Variants in SLF2 observed in about 807,000 individuals in gnomAD.
SLF2 encodes SMC5-SMC6 complex localization factor protein 2.
SLF2 carries 68 observed loss-of-function variants against 124.3 expected under a neutral mutation model. The ratio of observed to expected loss-of-function variants is 0.55; its 90% CI spans 0.45 to 0.67. The LOEUF (loss-of-function observed/expected upper bound fraction) is 0.67, where lower values mean the gene tolerates loss of function less well. Among genes scored for constraint, SLF2 ranks in the 30% least tolerant of loss-of-function variants. The pLI is 0.00. For missense variants in SLF2, 1,246 were observed against 1,373.7 expected (o/e 0.91, Z 1.47); for synonymous variants, 480 against 478.8 (o/e 1.00, Z -0.03).
chr10:100,953,715 C>G (rs1337612456), intron 17 of SLF2, among the ~76,000 whole-genome samples: 1 of 151,978 alleles, frequency 6.6e-6, no homozygotes, highest in Admixed American at 6.5e-5. Flanking sequence ...TGCAGTGGCA[C>G]GATCTCAGCT....
intron 17 of SLF2, among the ~76,000 whole-genome samples, chr10:100,954,684 C>G (rs1850291846): frequency 6.6e-6 from 1 of 152,114 alleles, no homozygotes; most frequent in Admixed American, 6.6e-5. Context: ...TGGCTCATGC[C>G]TGTAATCCAA....
chr10:100,913,405 G>A (rs1037685910), intron 1 of SLF2, 155 bp downstream of exon 1: 6 of 1,354,588 alleles, frequency 4.4e-6, no homozygotes, highest in Non-Finnish European at 5.7e-6. Flanking sequence ...CCTCCGCGCA[G>A]GGGCTACTGG....
chr10:100,927,851 T>C (rs754319022), intron 6 of SLF2, among the ~76,000 whole-genome samples: 3 of 152,206 alleles, frequency 2.0e-5, no homozygotes, highest in Non-Finnish European at 4.4e-5. Flanking sequence ...CTAATGATGT[T>C]AACATATTTT....
intron 1 of SLF2, chr10:100,913,730 C>A (rs1849366498): frequency 2.0e-6 from 2 of 989,314 alleles, no homozygotes; most frequent in Non-Finnish European, 2.4e-6. Context: ...CTTAAAAGAA[C>A]TTGCAGATTT....
chr10:100,957,289 G>T (rs923598090), intron 18 of SLF2, among the ~76,000 whole-genome samples: 2 of 136,524 alleles, frequency 1.5e-5, no homozygotes, highest in Non-Finnish European at 3.1e-5. Context: ...GTTATTCTTT[G>T]AATGTTTCAT....
chr10:100,923,842 C>T, intron 4 of SLF2, 133 bp from the exon 5 acceptor site: 2 of 616,290 alleles, frequency 3.2e-6, no homozygotes, highest in Non-Finnish European at 4.9e-6. Flanking sequence ...TTCTGCATTC[C>T]ATATATGGTG....
At chr10:100,918,052 C>T (rs1240817281) in intron 3 of SLF2, among the ~76,000 whole-genome samples, 2 of 152,192 alleles carry the variant, frequency 1.3e-5, no homozygotes, top group Non-Finnish European at 2.9e-5. Context: ...CACCATTGCA[C>T]TCCAGCCTGG....
intron 15 of SLF2, among the ~76,000 whole-genome samples, chr10:100,948,942 A>C (rs1471581882): frequency 6.6e-6 from 1 of 152,202 alleles, no homozygotes; most frequent in African/African-American, 2.4e-5. Context: ...TTTGAATTGC[A>C]ATTTGGTACA....
rs34345512 is a variant in SLF2 at position 100,962,841 on chromosome 10, A to ATGTGTGTGTGTGTG, written c.*944_*957dup. 6.9e-6 allele frequency: 1 copy of ATGTGTGTGTGTGTG among 144,116 alleles called. No homozygotes were observed. Among genetic ancestry groups the ATGTGTGTGTGTGTG allele is most frequent in the East Asian group, 2.1e-4 (1 of 4,876 alleles). The allele number at this position is 144,116 out of a possible 1,614,324, so 8.9% of individuals were successfully genotyped here. A position where few individuals can be genotyped will look rare whatever the true frequency, so the allele number is the denominator to read the frequency against. On this transcript the variant is annotated 3_prime_UTR_variant, in exon 20 of 20. Transcript: ENST00000238961. ...ATTCTTTGGGACACTGTGTCTGTGT[A>ATGTGTGTGTGTGTG]TGTGTGTGTGTGTGTGTGTGTGTGT...
chr10:100,941,763 A>G (rs373312553), intron 11 of SLF2, among the ~76,000 whole-genome samples: 1 of 152,314 alleles, frequency 6.6e-6, no homozygotes, highest in Non-Finnish European at 1.5e-5. Flanking sequence ...AGGGCTTCAC[A>G]TAGTACCTCA....
intron 9 of SLF2, among the ~76,000 whole-genome samples, chr10:100,935,378 G>A (rs1849825334): frequency 6.6e-6 from 1 of 151,582 alleles, no homozygotes; most frequent in South Asian, 2.1e-4. Flanking sequence ...CTGGGTGACA[G>A]TGCGAGATTC....
rs1182226131 is a variant in SLF2, at chr10:100,947,033, T to C, written c.2935-6T>C. On this transcript the variant is annotated splice_region_variant and splice_polypyrimidine_tract_variant and intron_variant, in intron 13 of 19. Coordinates refer to ENST00000238961, the MANE Select transcript of SLF2 (RefSeq NM_018121.4). The stretch of plus-strand genomic sequence containing the variant: ...AAAAGAAATCTTACATGTTCTTTTT[T>C]TTCAGGTGCCTGAACTCTGTCTGGG... 2 of 1,611,464 alleles carry C rather than the reference T, an allele frequency of 1.2e-6. No individual in the cohort carries two copies. The highest frequency in any genetic ancestry group is 1.7e-6 in the Non-Finnish European group (2 of 1,177,890).
rs1251876588 is a variant in SLF2, at chr10:100,916,805, C to T, written c.420C>T (p.Ser140=). ...ESRRPCLSLA[S]KYLAKGTNIY... is the part of the protein sequence containing the mutation. ...GTCGGCCTTGTCTGTCACTAGCCTC[C>T]AAATATTTAGCCAAAGGAACAAATA... The change falls in exon 3 of 20, where the codon TCC becomes TCT. Residue 140 remains serine, a synonymous_variant. Coordinates refer to ENST00000238961, the MANE Select transcript of SLF2 (RefSeq NM_018121.4). 6 of 1,613,950 alleles carry T rather than the reference C, an allele frequency of 3.7e-6. No individual in the cohort carries two copies. Among genetic ancestry groups the T allele is most frequent in the Non-Finnish European group, 5.1e-6 (6 of 1,179,978 alleles).
intron 2 of SLF2, 79 bp downstream of exon 2, chr10:100,916,121 C>CT: frequency 9.2e-7 from 1 of 1,090,022 alleles, no homozygotes; most frequent in East Asian, 2.4e-5. Context: ...AAAACCTACT[C>CT]TAAACTGTTT....
chr10:100,963,765 G>T lies in SLF2; in HGVS notation c.*1853G>T, dbSNP rs1850465569. The T allele has an allele frequency of 6.6e-6, 1 of 152,078 alleles. No homozygotes were observed. Among genetic ancestry groups the T allele is most frequent in the South Asian group, 2.1e-4 (1 of 4,804 alleles). 9.4% of individuals were successfully genotyped at this position (152,078 alleles called of 1,614,324 possible). On this transcript the variant is annotated 3_prime_UTR_variant, in exon 20 of 20. Coordinates refer to ENST00000238961, the MANE Select transcript of SLF2 (RefSeq NM_018121.4). ...TTTCTAATTGTGTACATTGATGGGG[G>T]GGACAAGTGGGTTATTCAGGTTTTT... is the stretch of plus-strand genomic sequence containing the variant.
At chr10:100,933,233 G>A (rs961700900) in intron 9 of SLF2, among the ~76,000 whole-genome samples, 4 of 152,078 alleles carry the variant, frequency 2.6e-5, no homozygotes, top group Non-Finnish European at 5.9e-5. Flanking sequence ...TGTTGATGTG[G>A]GCCCATTGTT....
intron 15 of SLF2, among the ~76,000 whole-genome samples, chr10:100,948,074 G>C (rs779902138): frequency 2.0e-5 from 3 of 152,218 alleles, no homozygotes; most frequent in Non-Finnish European, 2.9e-5. Context: ...TGGACAATCA[G>C]ATGTGAATTA....
intron 9 of SLF2, among the ~76,000 whole-genome samples, chr10:100,932,712 TGTGTGTGTGCGCGCGCGC>T (rs1239781602): frequency 6.2e-5 from 8 of 129,098 alleles, no homozygotes; most frequent in African/African-American, 1.5e-4. Flanking sequence ...TGTGTGTGTG[TGTGTGTGTGCGCGCGCGC>T]GCGCGCGCAC....
At chr10:100,936,317 TTTTTGTTTTGTTTTGTTTTG>T (rs3051169) in intron 9 of SLF2, among the ~76,000 whole-genome samples, 5 of 148,434 alleles carry the variant, frequency 3.4e-5, no homozygotes, top group African/African-American at 1.2e-4. Flanking sequence ...GTGATATCTT[TTTTTGTTTTGTTTTGTTTTG>T]TTTTGTTTTG....
Sources: allele counts gnomAD v4.1 joint callset (sites outside exome capture counted in the v4.1 genomes callset), GRCh38; gene constraint gnomAD v4.1.1; transcripts MANE v1.5; gene names NCBI Gene and HGNC (gene_info 2026-07-23, HGNC 2026-07-21).